Variants in EYS observed in about 807,000 individuals in gnomAD.
EYS encodes protein eyes shut homolog.
EYS carries 250 observed loss-of-function variants against 282.1 expected under a neutral mutation model. That is an observed-to-expected ratio of 0.89 (90% CI 0.80 to 0.98). The LOEUF is 0.98. EYS is among the 50% of genes least tolerant of loss of function. EYS has a pLI of 0.00. For synonymous variants in EYS, 1,355 were observed against 1,282.9 expected, an observed-to-expected ratio of 1.06 and a Z score of -1.20; for missense variants, 4,016 against 3,709.0, an observed-to-expected ratio of 1.08 and a Z score of -2.15.
At chr6:64,976,893 T>C (rs1181512546) in intron 14 of EYS, among the ~76,000 whole-genome samples, 1 of 151,876 alleles carries the variant, frequency 6.6e-6, no homozygotes, top group Non-Finnish European at 1.5e-5. Flanking sequence ...AGTACTATTA[T>C]TTTTTATTAT....
chr6:65,645,943 C>T (rs1428077608), intron 1 of EYS, among the ~76,000 whole-genome samples: 1 of 151,940 alleles, frequency 6.6e-6, no homozygotes, highest in Non-Finnish European at 1.5e-5. Flanking sequence ...TGGTTAAATT[C>T]CTGGAAAGAA....
intron 11 of EYS, among the ~76,000 whole-genome samples, chr6:65,320,497 T>C (rs1483620117): frequency 6.6e-6 from 1 of 152,152 alleles, no homozygotes; most frequent in Non-Finnish European, 1.5e-5. Flanking sequence ...TCCTATTAAC[T>C]TCCCCTATTG....
At position 65,236,483 on chromosome 6, in the gene EYS, C is replaced by T. The variant is rs186169965; in HGVS notation, c.2023+59380G>A. Among the ~76,000 whole-genome samples, 85 of 152,052 alleles carry T rather than the reference C, an allele frequency of 5.6e-4. 1 individual carries two copies. Among genetic ancestry groups the T allele is most frequent in the African/African-American group, 2.0e-3 (81 of 41,466 alleles). On this transcript the variant is annotated intron_variant, in intron 12 of 42. Transcript: ENST00000503581. ...AAAATTAGCCGGGCATGGTGGTGCA[C>T]GCTTGTTTTCCTAGCCACTAGGGAG...
At chr6:65,615,760 C>G (rs986526737) in intron 2 of EYS, among the ~76,000 whole-genome samples, 14 of 151,950 alleles carry the variant, frequency 9.2e-5, no homozygotes, top group Admixed American at 3.9e-4. Context: ...CGGTGAAACC[C>G]TGTCTCTACT....
chr6:64,714,333 A>C (rs1350702870), intron 22 of EYS, among the ~76,000 whole-genome samples: 1 of 152,152 alleles, frequency 6.6e-6, no homozygotes, highest in Non-Finnish European at 1.5e-5. Flanking sequence ...GTCTTTTCCC[A>C]GATAAGGAAT....
intron 22 of EYS, among the ~76,000 whole-genome samples, chr6:64,642,072 A>G (rs1489064841): frequency 6.6e-6 from 1 of 152,156 alleles, no homozygotes; most frequent in Non-Finnish European, 1.5e-5. Context: ...AATAACATGA[A>G]GACAGAAAGA....
intron 11 of EYS, chr6:65,330,516 T>G (rs532668937): frequency 2.4e-4 from 238 of 984,108 alleles, no homozygotes; most frequent in Non-Finnish European, 2.7e-4. Context: ...CCCAGAAAAA[T>G]TTTTTGAAGA....
intron 13 of EYS, among the ~76,000 whole-genome samples, chr6:65,022,784 T>A (rs1772287639): frequency 6.6e-6 from 1 of 151,662 alleles, no homozygotes; most frequent in Admixed American, 6.6e-5. Context: ...TCAGTATTTA[T>A]AAAACTTCAT....
At chr6:64,221,391 T>C (rs1393382219) in intron 31 of EYS, among the ~76,000 whole-genome samples, 2 of 152,102 alleles carry the variant, frequency 1.3e-5, no homozygotes, top group Admixed American at 6.6e-5. Flanking sequence ...TTCTCTTTCA[T>C]TGTTTTTCTG....
At chr6:64,247,907 C>G (rs1195330285) in intron 30 of EYS, among the ~76,000 whole-genome samples, 2 of 152,124 alleles carry the variant, frequency 1.3e-5, no homozygotes, top group African/African-American at 4.8e-5. Flanking sequence ...AATTTCTACA[C>G]TCTTGGTAGG....
intron 26 of EYS, among the ~76,000 whole-genome samples, chr6:64,487,478 T>C (rs150261465): frequency 1.5e-3 from 226 of 151,134 alleles, no homozygotes; most frequent in African/African-American, 5.0e-3. Flanking sequence ...ATAAGCATAA[T>C]TGGGAATTAA....
chr6:65,699,272 T>C (rs915464127), intron 1 of EYS, among the ~76,000 whole-genome samples: 42 of 152,230 alleles, frequency 2.8e-4, no homozygotes, highest in Non-Finnish European at 5.1e-4. Context: ...AAGTTTCACA[T>C]AATTTTATTC....
chr6:64,030,760 C>T (rs1209700224), intron 33 of EYS, among the ~76,000 whole-genome samples: 3 of 152,172 alleles, frequency 2.0e-5, no homozygotes, highest in African/African-American at 7.2e-5. Context: ...GAATTGAGGC[C>T]ATCAAGCTAC....
Position 64,165,457 on chromosome 6 carries a change from A to G in EYS, c.6424+65135T>C, listed in dbSNP as rs1247571238. On this transcript the variant is annotated intron_variant, in intron 31 of 42. Transcript: ENST00000503581. ...TTAAAATTATGTATACTAAAAATGT[A>G]CAAGTCTTCATATTTACTTTGATAT... Among the ~76,000 whole-genome samples the G allele has an allele frequency of 3.3e-5, 5 of 152,264 alleles. No individual in the cohort carries two copies. In the East Asian group the frequency reaches 9.6e-4, roughly 29 times the overall value.
At chr6:64,256,259 T>C (rs1767397651) in intron 30 of EYS, among the ~76,000 whole-genome samples, 4 of 152,086 alleles carry the variant, frequency 2.6e-5, no homozygotes, top group Admixed American at 2.6e-4. Flanking sequence ...ATGTAGAATG[T>C]ATGTGATTTA....
In EYS at chr6:64,930,008, C is replaced by G. The variant is rs77403583; in HGVS notation, c.2381+15785G>C. The stretch of plus-strand genomic sequence containing the variant: ...AGATTTGCTCAAGAACAAAATGATA[C>G]AAACTGTAAGTGTCTGCTATAGATA... On this transcript the variant is annotated intron_variant, in intron 15 of 42. Coordinates refer to ENST00000503581, the MANE Select transcript of EYS (RefSeq NM_001142800.2). Among the ~76,000 whole-genome samples, 194 of 152,174 alleles carry G rather than the reference C, an allele frequency of 1.3e-3. 3 individuals are homozygous for G. The East Asian group carries it at 0.026, about 21-fold the overall frequency.
intron 21 of EYS, chr6:64,815,103 A>G (rs1047318013): frequency 6.1e-5 from 18 of 294,560 alleles, no homozygotes; most frequent in Middle Eastern, 8.3e-4. Context: ...GCACTTCAGT[A>G]TAATATTCCA....
chr6:65,555,128 A>T (rs1222661782), intron 2 of EYS, among the ~76,000 whole-genome samples: 2 of 152,196 alleles, frequency 1.3e-5, no homozygotes, highest in African/African-American at 4.8e-5. Context: ...TGTGATAGTT[A>T]CAGTCACTAT....
intron 9 of EYS, among the ~76,000 whole-genome samples, chr6:65,350,489 C>T (rs1201814853): frequency 1.3e-5 from 2 of 151,504 alleles, no homozygotes; most frequent in Non-Finnish European, 3.0e-5. Context: ...AAAAAGTTCA[C>T]TAGTACATGT....
Sources: allele counts gnomAD v4.1 joint callset (sites outside exome capture counted in the v4.1 genomes callset), GRCh38; gene constraint gnomAD v4.1.1; transcripts MANE v1.5; gene names NCBI Gene and HGNC (gene_info 2026-07-23, HGNC 2026-07-21).